Variants in LRRC69 observed in about 807,000 individuals in gnomAD.
The protein encoded by LRRC69 is leucine rich repeat containing 69.
LRRC69 carries 42 observed loss-of-function variants against 37.8 expected under a neutral mutation model. That is an observed-to-expected ratio of 1.11 (90% CI 0.87 to 1.44). The LOEUF is 1.44. Among genes scored for constraint, LRRC69 ranks in the 40% most tolerant of loss-of-function variants. The pLI is 0.00. For missense variants in LRRC69, 357 were observed against 401.9 expected, an observed-to-expected ratio of 0.89 and a Z score of 0.96; for synonymous variants, 141 against 143.1, an observed-to-expected ratio of 0.99 and a Z score of 0.11.
intron 5 of LRRC69, among the ~76,000 whole-genome samples, chr8:91,161,278 G>C (rs1257943065): frequency 2.0e-5 from 3 of 151,196 alleles, no homozygotes; most frequent in Non-Finnish European, 3.0e-5. Flanking sequence ...GTGTCCTTTT[G>C]TGGTTTTGGT....
chr8:91,121,729 G>A (rs1813625409), intron 1 of LRRC69, among the ~76,000 whole-genome samples: 1 of 152,026 alleles, frequency 6.6e-6, no homozygotes, highest in African/African-American at 2.4e-5. Context: ...GTGCCTTGAG[G>A]GCAAAGATGT....
chr8:91,111,385 T>C (rs1813407874), intron 1 of LRRC69, among the ~76,000 whole-genome samples: 1 of 151,764 alleles, frequency 6.6e-6, no homozygotes, highest in South Asian at 2.1e-4. Context: ...ATACAAAAAA[T>C]TAGTTGGGCA....
chr8:91,158,861 A>G (rs1808886030), intron 5 of LRRC69: 2 of 631,740 alleles, frequency 3.2e-6, no homozygotes, highest in African/African-American at 3.7e-5. Flanking sequence ...ATAAACATTG[A>G]AAGAAGACTG....
At position 91,158,094 on chromosome 8, in the gene LRRC69, C is replaced by T. The variant is rs576723489; in HGVS notation, c.651+22355C>T. On this transcript the variant is annotated intron_variant, in intron 5 of 7. Coordinates refer to ENST00000448384, the Ensembl canonical transcript of LRRC69. ...TCAATACATGCCCATGGGGTACAAA[C>T]GGAGAGTTCTACATTTATTCCAGCA... 6.3e-4 allele frequency: 959 copies of T among 1,512,928 alleles called. 1 individual carries two copies. Among genetic ancestry groups the T allele is most frequent in the Non-Finnish European group, 8.0e-4 (874 of 1,090,012 alleles). The allele number at this position is 1,512,928 out of a possible 1,614,324, so 93.7% of individuals were successfully genotyped here.
chr8:91,106,463 A>G (rs986498852), intron 1 of LRRC69, among the ~76,000 whole-genome samples: 2 of 152,042 alleles, frequency 1.3e-5, no homozygotes, highest in African/African-American at 4.8e-5. Context: ...TGCTAATAGA[A>G]TAACAACATC....
At chr8:91,185,825 A>G (rs1200866718) in intron 5 of LRRC69, among the ~76,000 whole-genome samples, 15 of 151,922 alleles carry the variant, frequency 9.9e-5, no homozygotes, top group Non-Finnish European at 4.4e-5. Context: ...GAGTAACGCT[A>G]TGAATTTTGA....
chr8:91,182,701 T>C (rs1809344104), intron 5 of LRRC69, among the ~76,000 whole-genome samples: 1 of 152,226 alleles, frequency 6.6e-6, no homozygotes, highest in Non-Finnish European at 1.5e-5. Context: ...CAAGTCCATC[T>C]TTCTAAATCT....
intron 5 of LRRC69, among the ~76,000 whole-genome samples, chr8:91,147,233 A>G (rs1048032479): frequency 7.0e-6 from 1 of 143,352 alleles, no homozygotes; most frequent in African/African-American, 2.6e-5. Context: ...ATATAGCTAT[A>G]TTATATATAA....
At chr8:91,172,622 T>G (rs554436621) in intron 5 of LRRC69, among the ~76,000 whole-genome samples, 1 of 152,108 alleles carries the variant, frequency 6.6e-6, no homozygotes, top group South Asian at 2.1e-4. Context: ...TTCAAGCAAT[T>G]ATCCTGCCTC....
At chr8:91,150,154 T>C (rs1166722591) in intron 5 of LRRC69, among the ~76,000 whole-genome samples, 1 of 152,044 alleles carries the variant, frequency 6.6e-6, no homozygotes, top group Non-Finnish European at 1.5e-5. Flanking sequence ...GGCATCCCTG[T>C]CTTGTGCCAA....
intron 5 of LRRC69, among the ~76,000 whole-genome samples, chr8:91,167,498 AAC>A (rs1183203260): frequency 6.6e-6 from 1 of 151,866 alleles, no homozygotes; most frequent in African/African-American, 2.4e-5. Context: ...GACACAGCCA[AAC>A]CATATCAAGG....
At chr8:91,138,448 AACT>A (rs772400464) in intron 5 of LRRC69, among the ~76,000 whole-genome samples, 2 of 151,902 alleles carry the variant, frequency 1.3e-5, no homozygotes, top group Non-Finnish European at 2.9e-5. Context: ...ACTGCCTTAT[AACT>A]ACTTTTTAAA....
intron 3 of LRRC69, among the ~76,000 whole-genome samples, chr8:91,129,514 A>T (rs1563598049): frequency 1.3e-5 from 2 of 151,924 alleles, no homozygotes; most frequent in Non-Finnish European, 2.9e-5. Flanking sequence ...AAAAGTTAAA[A>T]CCAACTCCCA....
At chr8:91,193,292 G>C (rs1809534046) in intron 6 of LRRC69, among the ~76,000 whole-genome samples, 1 of 139,638 alleles carries the variant, frequency 7.2e-6, no homozygotes, top group African/African-American at 2.7e-5. Flanking sequence ...GATGCCTCCA[G>C]CTTTGTTCTT....
chr8:91,197,531 G>T (rs1809632249), intron 6 of LRRC69, among the ~76,000 whole-genome samples: 3 of 152,190 alleles, frequency 2.0e-5, no homozygotes, highest in Admixed American at 2.0e-4. Flanking sequence ...CCAGGTGCGG[G>T]ATATTATCTC....
At chr8:91,162,282 G>A (rs757285320) in intron 5 of LRRC69, among the ~76,000 whole-genome samples, 4 of 151,322 alleles carry the variant, frequency 2.6e-5, no homozygotes, top group Non-Finnish European at 5.9e-5. Flanking sequence ...ATTTTGTAGT[G>A]CAGTTTAAGT....
chr8:91,191,292 T>G (rs78184149), intron 6 of LRRC69, among the ~76,000 whole-genome samples: 2 of 152,126 alleles, frequency 1.3e-5, no homozygotes, highest in African/African-American at 4.8e-5. Flanking sequence ...AGTAAATAAT[T>G]TGAGTAACAG....
chr8:91,176,902 C>T (rs181858868), intron 5 of LRRC69, among the ~76,000 whole-genome samples: 123 of 146,542 alleles, frequency 8.4e-4, no homozygotes, highest in Admixed American at 2.1e-3. Context: ...TATCTGGATA[C>T]GCCATGGCCC....
intron 3 of LRRC69, among the ~76,000 whole-genome samples, chr8:91,129,701 C>G (rs1216091858): frequency 6.6e-6 from 1 of 151,894 alleles, no homozygotes; most frequent in South Asian, 2.1e-4. Flanking sequence ...ACTTCACTTC[C>G]TATTATCCTG....
Sources: gnomAD v4.1 joint callset for allele counts (sites outside exome capture counted in the v4.1 genomes callset) on GRCh38, gnomAD v4.1.1 for gene constraint, MANE v1.5 for transcripts, NCBI Gene and HGNC (gene_info 2026-07-23, HGNC 2026-07-21) for gene names.